ADAM17: variants seen among roughly 807,000 people sequenced by gnomAD.
The protein encoded by ADAM17 is disintegrin and metalloproteinase domain-containing protein 17.
A neutral mutation model predicts 96.7 loss-of-function variants in ADAM17; 39 were observed. That is an observed-to-expected ratio of 0.40 (90% CI 0.31 to 0.53). ADAM17 has a LOEUF of 0.53. ADAM17 is among the 20% of genes least tolerant of loss of function. The pLI, the probability that ADAM17 is intolerant of heterozygous loss-of-function variation, is 0.44. For missense variants in ADAM17, 777 were observed against 1,013.2 expected (o/e 0.77, Z 3.17); for synonymous variants, 344 against 359.2 (o/e 0.96, Z 0.48).
rs1662103870 is a variant in ADAM17 at position 9,491,102 on chromosome 2, C to A, written c.2132G>T (p.Ser711Ile). 2.5e-6 allele frequency: 4 copies of A among 1,612,892 alleles called. No individual in the cohort carries two copies. Among genetic ancestry groups the A allele is most frequent in the East Asian group, 2.2e-5 (1 of 44,874 alleles). ...QYESLSLFHP[S>I]NVEMLSSMDS... ...GTTTCTTTCATATGGTATACTTACA[C>A]TGGGGTGAAACAGAGACAGAGATTC... The change falls in exon 18 of 19, where the codon AGT (serine) becomes ATT (isoleucine). Residue 711 changes from serine to isoleucine, a missense_variant and splice_region_variant. By Grantham distance (142) the Ser-to-Ile change is moderately radical (BLOSUM62 -2). Transcript: ENST00000310823.
Position 9,526,192 on chromosome 2 carries a change from C to A in ADAM17, c.672G>T (p.Thr224=), listed in dbSNP as rs757777916. Residue 224 remains threonine (T), a synonymous_variant, in exon 6 of 19, where the codon ACG becomes ACT. Transcript: ENST00000310823. ...GATCTGCTACCACCAATAATTTACA[C>A]GTGTTCTTCATGGGATCTGGGTCAG... ...RRADPDPMKN[T]CKLLVVADHR... The A allele has an allele frequency of 5.0e-6, 8 of 1,613,636 alleles. No individual in the cohort carries two copies. The East Asian group carries it at 8.9e-5, about 18-fold the overall frequency.
Position 9,492,985 on chromosome 2 carries a change from T to C in ADAM17, c.1995A>G (p.Gly665=), listed in dbSNP as rs369229801. Residue 665 remains glycine (G), a splice_region_variant and synonymous_variant, in exon 17 of 19, where the codon GGA becomes GGG. Coordinates refer to ENST00000310823, the MANE Select transcript of ADAM17 (RefSeq NM_003183.6). ...CAACGATGTTGTCTGCTAAAAACTT[T>C]CCTGTGAACAATTCCAAACAGTTAA... ...FIDQLSINTF[G]KFLADNIVGS... is the part of the protein sequence containing the mutation. 32 of 1,608,744 alleles carry C rather than the reference T, an allele frequency of 2.0e-5. No individual in the cohort carries two copies. In the African/African-American group the frequency reaches 3.9e-4, roughly 19 times the overall value.
intron 4 of ADAM17, among the ~76,000 whole-genome samples, chr2:9,534,287 T>C (rs1664867624): frequency 6.6e-6 from 1 of 152,182 alleles, no homozygotes; most frequent in Non-Finnish European, 1.5e-5. Context: ...GAGAACCGCC[T>C]GAACCCAGGA....
At position 9,555,658 on chromosome 2, in the gene ADAM17, G is replaced by T; in HGVS notation, c.-53C>A. ...TCTCTGGGCAGCCTTCGCCTGACGGGGTTTCGGAAAACTGCTCACATCGGG... is the reference window on the plus strand; with the variant it reads ...TCTCTGGGCAGCCTTCGCCTGACGGTGTTTCGGAAAACTGCTCACATCGGG... On this transcript the variant is annotated 5_prime_UTR_variant, in exon 1 of 19. Transcript: ENST00000310823. 2 of 1,454,828 alleles carry T rather than the reference G, an allele frequency of 1.4e-6. No homozygotes were observed. The highest frequency in any genetic ancestry group is 2.6e-5 in the South Asian group (2 of 75,834). The allele number at this position is 1,454,828 out of a possible 1,614,324, so 90.1% of individuals were successfully genotyped here. A position where few individuals can be genotyped will look rare whatever the true frequency, so the allele number is the denominator to read the frequency against.
intron 10 of ADAM17, among the ~76,000 whole-genome samples, chr2:9,517,016 C>T (rs1664090776): frequency 2.0e-5 from 3 of 152,160 alleles, no homozygotes; most frequent in African/African-American, 7.2e-5. Context: ...CTAGGCTAGC[C>T]ATGTTCTCTT....
intron 10 of ADAM17, among the ~76,000 whole-genome samples, chr2:9,514,522 T>A (rs1477179178): frequency 8.3e-3 from 33 of 3,962 alleles, no homozygotes; most frequent in East Asian, 0.034. Flanking sequence ...AATATAAATA[T>A]ATATATATAT....
chr2:9,492,199 CA>C lies in ADAM17; in HGVS notation c.2082+698del, dbSNP rs377670004. On this transcript the variant is annotated intron_variant, in intron 17 of 18. Transcript: ENST00000310823. Reference sequence around the variant, plus strand: ...GCCACTATGAAAGAGTTTGGGAAAACAAGTCTGGAAGCCTGGGTGTGACTTT... The same window carrying C: ...GCCACTATGAAAGAGTTTGGGAAAACAGTCTGGAAGCCTGGGTGTGACTTT... Among the ~76,000 whole-genome samples the C allele has an allele frequency of 4.8e-3, 738 of 152,342 alleles. 1 individual carries two copies. Among genetic ancestry groups the C allele is most frequent in the Non-Finnish European group, 6.8e-3 (462 of 68,036 alleles).
At chr2:9,533,118 G>T (rs1664816146) in intron 4 of ADAM17, among the ~76,000 whole-genome samples, 1 of 152,028 alleles carries the variant, frequency 6.6e-6, no homozygotes, top group African/African-American at 2.4e-5. Flanking sequence ...TAACCTGGGA[G>T]GCAGAGGATG....
At chr2:9,546,538 A>G (rs1044775882) in intron 1 of ADAM17, among the ~76,000 whole-genome samples, 23 of 152,168 alleles carry the variant, frequency 1.5e-4, no homozygotes, top group Admixed American at 1.5e-3. Context: ...TCAATTTTTT[A>G]CAGGCTTTAC....
intron 4 of ADAM17, among the ~76,000 whole-genome samples, chr2:9,528,770 A>G: frequency 6.6e-6 from 1 of 152,246 alleles, no homozygotes; most frequent in East Asian, 1.9e-4. Context: ...ACACCCCTGT[A>G]TACCCACTAG....
intron 10 of ADAM17, among the ~76,000 whole-genome samples, chr2:9,513,442 T>C (rs923793431): frequency 6.6e-6 from 1 of 152,226 alleles, no homozygotes; most frequent in Non-Finnish European, 1.5e-5. Context: ...TCAGAAGTTC[T>C]GGAGGCTCAG....
intron 13 of ADAM17, among the ~76,000 whole-genome samples, chr2:9,500,293 A>G (rs141501464): frequency 8.1e-4 from 124 of 152,374 alleles, no homozygotes; most frequent in Non-Finnish European, 1.6e-3. Context: ...GAAGCCAGTC[A>G]TACAATATGT....
intron 11 of ADAM17, among the ~76,000 whole-genome samples, chr2:9,508,709 G>A (rs1359526439): frequency 6.6e-6 from 1 of 152,094 alleles, no homozygotes; most frequent in African/African-American, 2.4e-5. Flanking sequence ...CTACTATACT[G>A]GGCAGAGCAG....
intron 4 of ADAM17, among the ~76,000 whole-genome samples, chr2:9,533,407 T>G (rs1180110414): frequency 3.3e-5 from 5 of 151,188 alleles, no homozygotes; most frequent in African/African-American, 1.2e-4. Context: ...ATTAGCTGGG[T>G]GTGGTGGTGC....
chr2:9,522,772 C>A (rs945931545), intron 7 of ADAM17, among the ~76,000 whole-genome samples: 3 of 152,082 alleles, frequency 2.0e-5, no homozygotes, highest in Non-Finnish European at 4.4e-5. Flanking sequence ...ATTAATATAA[C>A]ATTACTAGAC....
Position 9,546,750 on chromosome 2 carries a change from G to A in ADAM17, c.98-3465C>T, listed in dbSNP as rs974763184. Among the ~76,000 whole-genome samples, 5 of 133,010 alleles carry A rather than the reference G, an allele frequency of 3.8e-5. No individual in the cohort carries two copies. The South Asian group carries it at 1.1e-3, about 30-fold the overall frequency. 87.3% of individuals were successfully genotyped at this position (133,010 alleles called of 152,430 possible). On this transcript the variant is annotated intron_variant, in intron 1 of 18. Transcript: ENST00000310823. ...TTTTGAAATGGAGTCTCACTCTGTC[G>A]CCAGGCTGGAATGCAGTGGCGTGAT...
chr2:9,524,159 G>C (rs1010287632), intron 6 of ADAM17, among the ~76,000 whole-genome samples: 1 of 152,004 alleles, frequency 6.6e-6, no homozygotes, highest in Non-Finnish European at 1.5e-5. Flanking sequence ...TTATTGGTAA[G>C]GCTTCTGGTC....
chr2:9,502,283 A>T lies in ADAM17; in HGVS notation c.1545-7T>A, dbSNP rs772370146. 1 of 1,604,364 alleles carries T rather than the reference A, an allele frequency of 6.2e-7. No individual in the cohort carries two copies. Among genetic ancestry groups the T allele is most frequent in the Non-Finnish European group, 8.5e-7 (1 of 1,171,874 alleles). ...GCAAGGACTGTTCCTGTCACTGGAG[A>T]AGAACAGCAGACAGGAACAGAGCAA... On this transcript the variant is annotated splice_region_variant and splice_polypyrimidine_tract_variant and intron_variant, in intron 12 of 18. Transcript: ENST00000310823.
At chr2:9,547,171 G>A (rs116026081) in intron 1 of ADAM17, among the ~76,000 whole-genome samples, 1,734 of 152,196 alleles carry the variant, frequency 0.011, 14 homozygotes, top group Non-Finnish European at 0.018. Context: ...ATGTGCTTTT[G>A]TTATCTTTTT....
Sources: gnomAD v4.1 joint callset for allele counts (sites outside exome capture counted in the v4.1 genomes callset) on GRCh38, gnomAD v4.1.1 for gene constraint, MANE v1.5 for transcripts, NCBI Gene and HGNC (gene_info 2026-07-23, HGNC 2026-07-21) for gene names.